The following SEL1L2 variants were observed in gnomAD, a reference collection of about 807,000 sequenced individuals.
SEL1L2 encodes the protein SEL1L2 adaptor subunit of SYVN1 ubiquitin ligase.
Under a neutral mutation model 98.8 loss-of-function variants are expected in SEL1L2, and 89 were observed. The observed-to-expected ratio is 0.90, with a 90% CI of 0.76 to 1.07. The LOEUF (loss-of-function observed/expected upper bound fraction) is 1.07. Ranked by LOEUF, SEL1L2 falls within the 50% of genes least tolerant of loss-of-function variation. The pLI is 0.00. For synonymous variants in SEL1L2, 262 were observed against 278.5 expected, an observed-to-expected ratio of 0.94 and a Z score of 0.59; for missense variants, 788 against 812.0, an observed-to-expected ratio of 0.97 and a Z score of 0.36.
At chr20:13,948,956 A>G (rs2050138845) in intron 2 of SEL1L2, among the ~76,000 whole-genome samples, 1 of 152,224 alleles carries the variant, frequency 6.6e-6, no homozygotes, top group Non-Finnish European at 1.5e-5. Flanking sequence ...GTCAATTTCT[A>G]TGTTTATCCA....
At chr20:13,979,986 A>G (rs371475642) in intron 1 of SEL1L2, among the ~76,000 whole-genome samples, 31 of 152,336 alleles carry the variant, frequency 2.0e-4, no homozygotes, top group Middle Eastern at 3.4e-3. Context: ...TCTAAAATAT[A>G]TAAGAAACTC....
At chr20:13,973,187 C>G (rs2051364078) in intron 1 of SEL1L2, 2 of 152,202 alleles carry the variant, frequency 1.3e-5, no homozygotes, top group Admixed American at 6.5e-5. Flanking sequence ...CTTTTGCTAT[C>G]AGATATTTCA....
In SEL1L2 at chr20:13,936,983, G is replaced by C. The variant is rs577770492; in HGVS notation, c.115-5212C>G. ...GACCTAAAAATGTCACAGTGAGCTT[G>C]TTTCTTACTACTACCACACCTACAC... is the stretch of plus-strand genomic sequence containing the variant. On this transcript the variant is annotated intron_variant, in intron 2 of 19. Transcript: ENST00000284951. Among the ~76,000 whole-genome samples, 9 of 152,326 alleles carry C rather than the reference G, an allele frequency of 5.9e-5. No homozygotes were observed. In the East Asian group the frequency reaches 1.2e-3, roughly 20 times the overall value.
At chr20:13,910,018 C>T (rs1055100946) in intron 5 of SEL1L2, among the ~76,000 whole-genome samples, 3 of 152,114 alleles carry the variant, frequency 2.0e-5, no homozygotes, top group Non-Finnish European at 4.4e-5. Context: ...CAACAACAAA[C>T]CGGTTCAGCT....
At chr20:13,955,605 T>TTC (rs2050499161) in intron 2 of SEL1L2, among the ~76,000 whole-genome samples, 1 of 152,228 alleles carries the variant, frequency 6.6e-6, no homozygotes, top group African/African-American at 2.4e-5. Context: ...GGAAATTCAC[T>TTC]TCTTTACTTG....
chr20:13,902,235 T>C (rs959576084), intron 5 of SEL1L2, among the ~76,000 whole-genome samples: 5 of 152,164 alleles, frequency 3.3e-5, no homozygotes, highest in African/African-American at 1.2e-4. Flanking sequence ...CTATCTCGGA[T>C]CCACTGATTG....
chr20:13,895,974 A>C (rs1041761433), intron 5 of SEL1L2, among the ~76,000 whole-genome samples: 5 of 150,816 alleles, frequency 3.3e-5, no homozygotes, highest in Admixed American at 6.6e-5. Context: ...GGGGTTTGAG[A>C]CCAGCCTGGC....
intron 14 of SEL1L2, among the ~76,000 whole-genome samples, chr20:13,869,274 C>G (rs1283682523): frequency 1.3e-5 from 2 of 152,122 alleles, no homozygotes; most frequent in Non-Finnish European, 2.9e-5. Context: ...ATATCGCTAG[C>G]ACCTCCAACT....
At chr20:13,877,909 C>A (rs1275905650) in intron 10 of SEL1L2, among the ~76,000 whole-genome samples, 1 of 152,212 alleles carries the variant, frequency 6.6e-6, no homozygotes, top group Admixed American at 6.5e-5. Flanking sequence ...AGCTGTGAAG[C>A]TAAATAGTCC....
chr20:13,930,703 ACT>A (rs1877882571), intron 3 of SEL1L2, among the ~76,000 whole-genome samples: 1 of 152,202 alleles, frequency 6.6e-6, no homozygotes, highest in South Asian at 2.1e-4. Context: ...TCAAAGCTGG[ACT>A]CTCAGAAAAA....
chr20:13,856,140 G>A (rs1229952720), intron 18 of SEL1L2, among the ~76,000 whole-genome samples: 2 of 148,536 alleles, frequency 1.3e-5, no homozygotes, highest in African/African-American at 4.9e-5. Flanking sequence ...CTGTTTCTTT[G>A]TTTTTTGGGG....
At chr20:13,931,883 A>G in intron 2 of SEL1L2, 112 bp from the exon 3 acceptor site, 3 of 801,708 alleles carry the variant, frequency 3.7e-6, no homozygotes, top group Non-Finnish European at 5.5e-6. Flanking sequence ...GCTTAATGCA[A>G]TTACTCTAAT....
chr20:13,863,699 T>C (rs2147799275), intron 17 of SEL1L2, among the ~76,000 whole-genome samples: 1 of 152,232 alleles, frequency 6.6e-6, no homozygotes, highest in East Asian at 1.9e-4. Context: ...TGGGCGATGG[T>C]ATAGGCTGAT....
chr20:13,982,591 GAA>G (rs1157010603), intron 1 of SEL1L2, among the ~76,000 whole-genome samples: 1 of 137,852 alleles, frequency 7.3e-6, no homozygotes, highest in Non-Finnish European at 1.6e-5. Flanking sequence ...AAAGAAAAAA[GAA>G]AAAATTGTTT....
At chr20:13,917,088 C>G (rs1046510546) in intron 4 of SEL1L2, among the ~76,000 whole-genome samples, 4 of 152,016 alleles carry the variant, frequency 2.6e-5, no homozygotes, top group African/African-American at 9.7e-5. Context: ...TGTAACACAC[C>G]TAGTTGGGCC....
At position 13,950,683 on chromosome 20, in the gene SEL1L2, C is replaced by T. The variant is rs956643123; in HGVS notation, c.114+5393G>A. Among the ~76,000 whole-genome samples the T allele has an allele frequency of 2.6e-5, 4 of 152,248 alleles. No homozygotes were observed. In the South Asian group the frequency reaches 6.2e-4, roughly 24 times the overall value. ...TGTAAGTAATGAAACTGAGCTGCTACGATTCATGAATACTGAAATCTCCAA... is the reference window on the plus strand; with the variant it reads ...TGTAAGTAATGAAACTGAGCTGCTATGATTCATGAATACTGAAATCTCCAA... On this transcript the variant is annotated intron_variant, in intron 2 of 19. Transcript: ENST00000284951.
At chr20:13,993,007 C>T (rs1050943689), upstream of SEL1L2, among the ~76,000 whole-genome samples, 3 of 152,028 alleles carry the variant, frequency 2.0e-5, no homozygotes, top group African/African-American at 4.8e-5. Flanking sequence ...TTTGGGTGCA[C>T]GTAAGTCAGT....
At chr20:13,924,057 G>C (rs187338216) in intron 3 of SEL1L2, among the ~76,000 whole-genome samples, 139 of 152,234 alleles carry the variant, frequency 9.1e-4, no homozygotes, top group Admixed American at 1.5e-3. Context: ...ATTATGTGGT[G>C]ATTCTCCTTT....
intron 2 of SEL1L2, among the ~76,000 whole-genome samples, chr20:13,940,417 T>A (rs908089371): frequency 6.6e-6 from 1 of 152,016 alleles, no homozygotes; most frequent in Non-Finnish European, 1.5e-5. Context: ...TGGAAATAAC[T>A]CCCAAGTGGC....
Sources: gnomAD v4.1 joint callset for allele counts (sites outside exome capture counted in the v4.1 genomes callset) on GRCh38, gnomAD v4.1.1 for gene constraint, MANE v1.5 for transcripts, NCBI Gene and HGNC (gene_info 2026-07-23, HGNC 2026-07-21) for gene names.